Variants in CACNA1C observed in about 807,000 individuals in gnomAD.
The protein encoded by CACNA1C is calcium voltage-gated channel subunit alpha1 C, also known as voltage-dependent L-type calcium channel subunit alpha-1C.
Under a neutral mutation model 229.0 loss-of-function variants are expected in CACNA1C, and 30 were observed. That is an observed-to-expected ratio of 0.13 (90% CI 0.10 to 0.18). CACNA1C has a LOEUF of 0.18. CACNA1C is among the 10% of genes least tolerant of loss of function. The pLI is 1.00. For missense variants in CACNA1C, 1,658 were observed against 2,845.0 expected, an observed-to-expected ratio of 0.58 and a Z score of 9.49; for synonymous variants, 1,114 against 1,132.5, an observed-to-expected ratio of 0.98 and a Z score of 0.33.
rs537649855 is a variant in CACNA1C at position 2,433,355 on chromosome 12, G to T, written c.478-15621G>T. Reference sequence around the variant, plus strand: ...CCTGGAGCAGTCTTAGCCTGGGTAAGCCCAGGTGCAGGAGAGAGGAGGGAG... The same window carrying T: ...CCTGGAGCAGTCTTAGCCTGGGTAATCCCAGGTGCAGGAGAGAGGAGGGAG... On this transcript the variant is annotated intron_variant, in intron 3 of 46. Transcript: ENST00000399655. Among the ~76,000 whole-genome samples, 5 of 152,316 alleles carry T rather than the reference G, an allele frequency of 3.3e-5. No homozygotes were observed. In the South Asian group the frequency reaches 8.3e-4, roughly 25 times the overall value.
At chr12:2,374,305 T>C (rs879934787) in intron 3 of CACNA1C, among the ~76,000 whole-genome samples, 9 of 152,276 alleles carry the variant, frequency 5.9e-5, no homozygotes, top group Non-Finnish European at 8.8e-5. Context: ...GTTTTGGTTC[T>C]ATGTGGTTTT....
At chr12:2,125,705 G>T (rs138463545) in intron 3 of CACNA1C, among the ~76,000 whole-genome samples, 1 of 152,080 alleles carries the variant, frequency 6.6e-6, no homozygotes, top group African/African-American at 2.4e-5. Context: ...CTCCCCTGGG[G>T]TTCTGATGCA....
chr12:2,532,406 T>G (rs1256870344), intron 9 of CACNA1C, among the ~76,000 whole-genome samples: 2 of 152,198 alleles, frequency 1.3e-5, no homozygotes, highest in African/African-American at 4.8e-5. Flanking sequence ...CACTCCCATC[T>G]GCAAGAAGGC....
chr12:2,366,799 C>G (rs1489703503), intron 3 of CACNA1C, among the ~76,000 whole-genome samples: 18 of 152,144 alleles, frequency 1.2e-4, no homozygotes, highest in Admixed American at 1.2e-3. Context: ...GTACAGGAAG[C>G]ATGGCCTGGA....
chr12:2,417,398 A>G (rs763552479), intron 3 of CACNA1C, among the ~76,000 whole-genome samples: 8 of 152,306 alleles, frequency 5.3e-5, no homozygotes, highest in Middle Eastern at 3.4e-3. Flanking sequence ...TCTGGCTGAC[A>G]GTGCTTGTGG....
chr12:2,127,729 G>GGT (rs2090660265), intron 3 of CACNA1C, among the ~76,000 whole-genome samples: 1 of 152,218 alleles, frequency 6.6e-6, no homozygotes, highest in East Asian at 1.9e-4. Context: ...GTGGGACCTG[G>GGT]GTGTGGGTGT....
In CACNA1C at chr12:2,080,994, A is replaced by C. The variant is rs1210246122; in HGVS notation, c.49+27383A>C. ...TAATGCCAAGAATGTTTTGAAATTT[A>C]AGAAAGATATTGATTTTTAGATTAT... On this transcript the variant is annotated intron_variant, in intron 1 of 46. Transcript: ENST00000399655. 2.0e-5 allele frequency among the ~76,000 whole-genome samples: 3 copies of C among 152,254 alleles called. No individual in the cohort carries two copies. In the East Asian group the frequency reaches 5.8e-4, roughly 29 times the overall value.
At position 2,585,724 on chromosome 12, in the gene CACNA1C, C is replaced by A; in HGVS notation, c.2461-111C>A. ...AGGAGATATGCAAAGTGACAAGTAC[C>A]TATTTTTGAGCTAAGTCACTGACTA... On this transcript the variant is annotated intron_variant, in intron 17 of 46. Coordinates refer to ENST00000399655, the MANE Select transcript of CACNA1C (RefSeq NM_000719.7). This position sits in a 1 kb window ranked among gnomAD's most constrained non-coding sequence, Gnocchi z 4.1. The A allele has an allele frequency of 1.1e-6, 1 of 938,946 alleles. No homozygotes were observed. Among genetic ancestry groups the A allele is most frequent in the Non-Finnish European group, 1.7e-6 (1 of 588,456 alleles). 58.2% of individuals were successfully genotyped at this position (938,946 alleles called of 1,614,324 possible). A position where few individuals can be genotyped will look rare whatever the true frequency, so the allele number is the denominator to read the frequency against.
Position 2,651,844 on chromosome 12 carries a change from A to C in CACNA1C, c.4074+76A>C. Reference sequence around the variant, plus strand: ...GGCCCAGAACACAGCTGACACAAGGAGGAGCCCTCCACTCTGGGGCCCTGC... The same window carrying C: ...GGCCCAGAACACAGCTGACACAAGGCGGAGCCCTCCACTCTGGGGCCCTGC... On this transcript the variant is annotated intron_variant, in intron 32 of 46. Coordinates refer to ENST00000399655, the MANE Select transcript of CACNA1C (RefSeq NM_000719.7). This position sits in a 1 kb window ranked among gnomAD's most constrained non-coding sequence, Gnocchi z 5.4. The C allele has an allele frequency of 2.5e-6, 3 of 1,215,852 alleles. No individual in the cohort carries two copies. Among genetic ancestry groups the C allele is most frequent in the Admixed American group, 2.3e-5 (1 of 43,446 alleles). 75.3% of individuals were successfully genotyped at this position (1,215,852 alleles called of 1,614,324 possible).
At chr12:2,258,799 G>A (rs1050821760) in intron 3 of CACNA1C, among the ~76,000 whole-genome samples, 4 of 152,094 alleles carry the variant, frequency 2.6e-5, no homozygotes, top group African/African-American at 4.8e-5. Context: ...TAAAGTTACC[G>A]AATATTTCTG....
At chr12:2,234,415 G>A (rs2066513224) in intron 3 of CACNA1C, among the ~76,000 whole-genome samples, 1 of 152,240 alleles carries the variant, frequency 6.6e-6, no homozygotes, top group Non-Finnish European at 1.5e-5. Context: ...GGTCAAAAAT[G>A]TGAGGGCACC....
intron 3 of CACNA1C, among the ~76,000 whole-genome samples, chr12:2,249,982 G>A (rs2074998358): frequency 6.6e-6 from 1 of 152,114 alleles, no homozygotes; most frequent in Non-Finnish European, 1.5e-5. Flanking sequence ...CTAATTTTTT[G>A]TATTTTCAGT....
intron 11 of CACNA1C, among the ~76,000 whole-genome samples, chr12:2,562,942 C>T (rs1170625416): frequency 1.3e-5 from 2 of 152,150 alleles, no homozygotes; most frequent in African/African-American, 4.8e-5. Context: ...TGACTGTAGT[C>T]ACCATCCTTC....
intron 3 of CACNA1C, among the ~76,000 whole-genome samples, chr12:2,341,461 A>G (rs1020300879): frequency 6.6e-6 from 1 of 151,828 alleles, no homozygotes; most frequent in Non-Finnish European, 1.5e-5. Context: ...TATGAAGTTC[A>G]GAGTCGCTGT....
intron 3 of CACNA1C, among the ~76,000 whole-genome samples, chr12:2,292,654 A>T (rs2093627580): frequency 6.6e-6 from 1 of 152,208 alleles, no homozygotes; most frequent in Admixed American, 6.5e-5. Context: ...GACTGAAGGG[A>T]TGTGCAGAGG....
At chr12:2,448,502 C>T (rs1014232629) in intron 3 of CACNA1C, among the ~76,000 whole-genome samples, 3 of 152,130 alleles carry the variant, frequency 2.0e-5, no homozygotes, top group Admixed American at 6.5e-5. Context: ...TGGAGGAACT[C>T]GGCTAGTACC....
intron 29 of CACNA1C, among the ~76,000 whole-genome samples, chr12:2,631,426 AC>A (rs1233319379): frequency 6.6e-6 from 1 of 152,094 alleles, no homozygotes; most frequent in Non-Finnish European, 1.5e-5. Flanking sequence ...CCCCACAAAG[AC>A]AGTATTCATA....
intron 1 of CACNA1C, among the ~76,000 whole-genome samples, chr12:1,979,741 G>T (rs1419055815): frequency 1.3e-5 from 2 of 152,214 alleles, no homozygotes; most frequent in Non-Finnish European, 2.9e-5. Flanking sequence ...CACAAGCAAT[G>T]TATCAAAGTT....
At chr12:2,173,750 C>A (rs1306250855) in intron 3 of CACNA1C, among the ~76,000 whole-genome samples, 1 of 152,106 alleles carries the variant, frequency 6.6e-6, no homozygotes, top group East Asian at 1.9e-4. Context: ...TGCTCCTTAA[C>A]CTTTCTGTGC....
Sources: allele counts gnomAD v4.1 joint callset (sites outside exome capture counted in the v4.1 genomes callset), GRCh38; gene constraint gnomAD v4.1.1; non-coding constraint Gnocchi (gnomAD v3.1); transcripts MANE v1.5; gene names NCBI Gene and HGNC (gene_info 2026-07-23, HGNC 2026-07-21).